The following NHEJ1 variants were observed in gnomAD, a reference collection of about 807,000 sequenced individuals.
NHEJ1 encodes non-homologous end joining factor 1.
A neutral mutation model predicts 39.4 loss-of-function variants in NHEJ1; 22 were observed. The observed-to-expected ratio is 0.56, with a 90% CI of 0.40 to 0.80. The LOEUF (loss-of-function observed/expected upper bound fraction) is 0.80, where lower values mean the gene tolerates loss of function less well. Among genes scored for constraint, NHEJ1 ranks in the 30% least tolerant of loss-of-function variants. The probability of loss-of-function intolerance (pLI) is 0.00; values close to 1 mark genes in which losing one functional copy is unlikely to be tolerated. For synonymous variants in NHEJ1, 154 were observed against 135.6 expected (o/e 1.14, Z -0.94); for missense variants, 329 against 357.1 (o/e 0.92, Z 0.63).
In NHEJ1 at chr2:219,072,627, CAA is replaced by C. The variant is rs1476330517; in HGVS notation, c.*3752_*3753del. On this transcript the variant is annotated 3_prime_UTR_variant, in exon 8 of 8. Transcript: ENST00000356853. ...TTAGGGTTAAAACTGACCCTGTTCT[CAA>C]AGAGTATAACCTAATGAAAGGATGA... Among the ~76,000 whole-genome samples the C allele has an allele frequency of 2.7e-5, 4 of 147,838 alleles. No homozygotes were observed. Among genetic ancestry groups the C allele is most frequent in the Non-Finnish European group, 4.4e-5 (3 of 68,006 alleles).
At chr2:219,084,514 C>T (rs1289732291) in intron 5 of NHEJ1, among the ~76,000 whole-genome samples, 1 of 152,256 alleles carries the variant, frequency 6.6e-6, no homozygotes, top group Non-Finnish European at 1.5e-5. Context: ...CACTAGCCAA[C>T]TCCTCGGTCT....
At chr2:219,082,121 GTTACAT>G (rs1485327486) in intron 5 of NHEJ1, among the ~76,000 whole-genome samples, 1 of 152,152 alleles carries the variant, frequency 6.6e-6, no homozygotes, top group Non-Finnish European at 1.5e-5. Flanking sequence ...TAGACTCTCT[GTTACAT>G]TTACCTAAAC....
At chr2:219,086,799 G>A (rs1949115351) in intron 5 of NHEJ1, among the ~76,000 whole-genome samples, 2 of 152,112 alleles carry the variant, frequency 1.3e-5, no homozygotes, top group Non-Finnish European at 2.9e-5. Context: ...CTGAAAGGAG[G>A]TTTTGCTAGA....
intron 5 of NHEJ1, among the ~76,000 whole-genome samples, chr2:219,140,220 T>G (rs980069468): frequency 6.6e-6 from 1 of 152,116 alleles, no homozygotes; most frequent in African/African-American, 2.4e-5. Context: ...GGGAGGAAGT[T>G]GTAGGAGATG....
intron 5 of NHEJ1, among the ~76,000 whole-genome samples, chr2:219,121,258 C>T (rs1949468854): frequency 6.6e-6 from 1 of 151,376 alleles, no homozygotes; most frequent in Non-Finnish European, 1.5e-5. Flanking sequence ...TCCCTAGTAA[C>T]ATAATCTAGT....
chr2:219,159,982 G>A (rs1376145290), intron 1 of NHEJ1, among the ~76,000 whole-genome samples: 1 of 152,068 alleles, frequency 6.6e-6, no homozygotes, highest in Admixed American at 6.5e-5. Flanking sequence ...CCTATAAAAA[G>A]GCCTGACACA....
chr2:219,084,007 C>A (rs1187437336), intron 5 of NHEJ1, among the ~76,000 whole-genome samples: 2 of 133,308 alleles, frequency 1.5e-5, no homozygotes, highest in Admixed American at 7.6e-5. Context: ...TCTTTCTTTG[C>A]TTTTTTTTTT....
At chr2:219,081,619 C>T (rs948083580) in intron 5 of NHEJ1, among the ~76,000 whole-genome samples, 2 of 152,154 alleles carry the variant, frequency 1.3e-5, no homozygotes, top group African/African-American at 4.8e-5. Flanking sequence ...TGAGTTAATA[C>T]AAAGATAGTA....
Position 219,077,243 on chromosome 2 carries a change from C to T in NHEJ1, c.825+3G>A, listed in dbSNP as rs750458375. 1.9e-6 allele frequency: 3 copies of T among 1,610,306 alleles called. No homozygotes were observed. Among genetic ancestry groups the T allele is most frequent in the Admixed American group, 3.3e-5 (2 of 60,022 alleles). On this transcript the variant is annotated splice_donor_region_variant and intron_variant, in intron 7 of 7. Coordinates refer to ENST00000356853, the MANE Select transcript of NHEJ1 (RefSeq NM_024782.3). ...ACCATCCAGGAAGCTGCTCATGACT[C>T]ACCGTGGACTCTTTCTCAGGTGCTG...
intron 5 of NHEJ1, among the ~76,000 whole-genome samples, chr2:219,122,656 C>T (rs571769093): frequency 6.6e-6 from 1 of 152,260 alleles, no homozygotes; most frequent in South Asian, 2.1e-4. Context: ...TAAGATTTGC[C>T]TCCTCCTCAA....
chr2:219,084,191 G>A (rs1323241420), intron 5 of NHEJ1, among the ~76,000 whole-genome samples: 1 of 151,956 alleles, frequency 6.6e-6, no homozygotes, highest in Non-Finnish European at 1.5e-5. Context: ...ATTTTTAGTA[G>A]AGATGGGGCT....
intron 5 of NHEJ1, among the ~76,000 whole-genome samples, chr2:219,133,769 G>A (rs1186427469): frequency 6.6e-6 from 1 of 152,150 alleles, no homozygotes; most frequent in Non-Finnish European, 1.5e-5. Flanking sequence ...ATCTCCTGGG[G>A]GAAAGAAGCT....
chr2:219,106,945 T>C (rs1949319507), intron 5 of NHEJ1, among the ~76,000 whole-genome samples: 1 of 152,218 alleles, frequency 6.6e-6, no homozygotes, highest in Non-Finnish European at 1.5e-5. Context: ...AATATTCATT[T>C]TTTCCTATTT....
At chr2:219,137,851 C>T (rs567931643) in intron 5 of NHEJ1, among the ~76,000 whole-genome samples, 49 of 152,298 alleles carry the variant, frequency 3.2e-4, no homozygotes, top group Non-Finnish European at 5.9e-4. Flanking sequence ...AATCACTCCA[C>T]TACTATGGCC....
At chr2:219,125,315 C>A (rs1390261318) in intron 5 of NHEJ1, among the ~76,000 whole-genome samples, 2 of 152,098 alleles carry the variant, frequency 1.3e-5, no homozygotes, top group African/African-American at 4.8e-5. Context: ...CAAGTCCTCT[C>A]TTCTGGGCTC....
At chr2:219,115,493 G>GCA (rs1309422629) in intron 5 of NHEJ1, among the ~76,000 whole-genome samples, 2 of 152,148 alleles carry the variant, frequency 1.3e-5, no homozygotes, top group Non-Finnish European at 2.9e-5. Flanking sequence ...TGCAAGTCAA[G>GCA]AGCCTGAGCA....
At chr2:219,130,297 T>C (rs2106350610) in intron 5 of NHEJ1, among the ~76,000 whole-genome samples, 1 of 152,246 alleles carries the variant, frequency 6.6e-6, no homozygotes, top group African/African-American at 2.4e-5. Flanking sequence ...CAATGGTCAT[T>C]TGATTCAGGC....
intron 5 of NHEJ1, among the ~76,000 whole-genome samples, chr2:219,146,461 C>T (rs1334337140): frequency 6.6e-6 from 1 of 152,184 alleles, no homozygotes; most frequent in African/African-American, 2.4e-5. Context: ...TTATAAATAT[C>T]AATCAGTCCA....
chr2:219,135,957 C>G (rs759025425), intron 5 of NHEJ1, among the ~76,000 whole-genome samples: 1 of 152,168 alleles, frequency 6.6e-6, no homozygotes, highest in Non-Finnish European at 1.5e-5. Flanking sequence ...CCCCCTGGAG[C>G]GCAGTCTGTT....
Sources: gnomAD v4.1 joint callset for allele counts (sites outside exome capture counted in the v4.1 genomes callset) on GRCh38, gnomAD v4.1.1 for gene constraint, MANE v1.5 for transcripts, NCBI Gene and HGNC (gene_info 2026-07-23, HGNC 2026-07-21) for gene names.